Variants in ODAD2 observed in about 807,000 individuals in gnomAD.
The protein encoded by ODAD2 is outer dynein arm-docking complex subunit 2.
A neutral mutation model predicts 106.8 loss-of-function variants in ODAD2; 89 were observed. The ratio of observed to expected loss-of-function variants is 0.83; its 90% CI spans 0.70 to 0.99. ODAD2 has a LOEUF of 0.99. ODAD2 is among the 50% of genes least tolerant of loss of function. The pLI, the probability that ODAD2 is intolerant of heterozygous loss-of-function variation, is 0.00. For missense variants in ODAD2, 1,168 were observed against 1,238.5 expected (o/e 0.94, Z 0.85); for synonymous variants, 404 against 436.2 (o/e 0.93, Z 0.92).
intron 12 of ODAD2, among the ~76,000 whole-genome samples, chr10:27,942,104 T>C (rs1168236065): frequency 6.6e-6 from 1 of 152,108 alleles, no homozygotes; most frequent in Non-Finnish European, 1.5e-5. Flanking sequence ...CAACAATAAA[T>C]GATGCAGTAT....
At chr10:27,846,853 A>C (rs1838805577) in intron 19 of ODAD2, among the ~76,000 whole-genome samples, 1 of 151,608 alleles carries the variant, frequency 6.6e-6, no homozygotes, top group South Asian at 2.1e-4. Flanking sequence ...GGACACATAC[A>C]CCCTCCCAAG....
intron 19 of ODAD2, among the ~76,000 whole-genome samples, chr10:27,856,681 G>A (rs1403930419): frequency 2.0e-5 from 3 of 152,152 alleles, no homozygotes; most frequent in Non-Finnish European, 4.4e-5. Flanking sequence ...GGTGCAAACC[G>A]AGACATACTA....
At chr10:27,859,827 GCA>G (rs1435549510) in intron 19 of ODAD2, among the ~76,000 whole-genome samples, 2 of 152,130 alleles carry the variant, frequency 1.3e-5, no homozygotes, top group Non-Finnish European at 2.9e-5. Flanking sequence ...GTCTACTGAT[GCA>G]CAGATTTAAA....
chr10:27,843,423 T>C (rs998365802), intron 19 of ODAD2, among the ~76,000 whole-genome samples: 2 of 152,330 alleles, frequency 1.3e-5, no homozygotes, highest in Admixed American at 6.5e-5. Flanking sequence ...AACTGGCTGA[T>C]GCAGAGTGGC....
chr10:27,956,353 A>G (rs1847733712), intron 10 of ODAD2, among the ~76,000 whole-genome samples: 1 of 152,068 alleles, frequency 6.6e-6, no homozygotes, highest in Non-Finnish European at 1.5e-5. Context: ...CTGGCATCCC[A>G]CAGGGAGGAG....
chr10:27,983,524 T>C (rs1849686406), intron 6 of ODAD2, among the ~76,000 whole-genome samples: 1 of 152,248 alleles, frequency 6.6e-6, no homozygotes, highest in Non-Finnish European at 1.5e-5. Flanking sequence ...ATCTCAATGT[T>C]TCTTTTTTGA....
chr10:27,909,817 GAAAAAAAAAAAAAAA>G (rs35449629), intron 16 of ODAD2, among the ~76,000 whole-genome samples: 2,772 of 56,522 alleles, frequency 0.049, 122 homozygotes, highest in African/African-American at 0.16. Flanking sequence ...GTCTTCATTT[GAAAAAAAAAAAAAAA>G]AAAAAAAAAA....
rs71388944 is a variant in ODAD2 at position 27,952,074 on chromosome 10, C to CAAAAA, written c.1387-7117_1387-7113dup. The stretch of plus-strand genomic sequence containing the variant: ...TGGGCAACAGACTGAGATGCCAACT[C>CAAAAA]AAAAAAAAAAAAAAAAAAGACACAC... On this transcript the variant is annotated intron_variant, in intron 10 of 19. Coordinates refer to ENST00000305242, the MANE Select transcript of ODAD2 (RefSeq NM_018076.5). Among the ~76,000 whole-genome samples, 126 of 44,016 alleles carry CAAAAA rather than the reference C, an allele frequency of 2.9e-3. 5 individuals carry two copies. Among genetic ancestry groups the CAAAAA allele is most frequent in the African/African-American group, 7.0e-3 (88 of 12,606 alleles). 28.9% of individuals were successfully genotyped at this position (44,016 alleles called of 152,430 possible). A position where few individuals can be genotyped will look rare whatever the true frequency, so the allele number is the denominator to read the frequency against.
At chr10:27,934,896 T>C in intron 16 of ODAD2, 114 bp downstream of exon 16, 2 of 1,290,972 alleles carry the variant, frequency 1.5e-6, no homozygotes, top group Non-Finnish European at 2.2e-6. Context: ...TATGACACAC[T>C]GTATTTTTTC....
chr10:27,937,345 T>TC (rs958008819), intron 14 of ODAD2, among the ~76,000 whole-genome samples: 28 of 150,128 alleles, frequency 1.9e-4, no homozygotes, highest in African/African-American at 6.6e-4. Context: ...TTTTCTTTTT[T>TC]TTTTTTTTTT....
chr10:27,932,091 C>T (rs956636997), intron 16 of ODAD2, among the ~76,000 whole-genome samples: 6 of 152,124 alleles, frequency 3.9e-5, no homozygotes, highest in Admixed American at 6.6e-5. Flanking sequence ...CACACCCTCA[C>T]ATCCTTTAAT....
intron 17 of ODAD2, among the ~76,000 whole-genome samples, chr10:27,871,881 A>G (rs1263168078): frequency 6.6e-6 from 1 of 152,102 alleles, no homozygotes; most frequent in East Asian, 1.9e-4. Context: ...AGTTTTTTCC[A>G]GTTCTGTGAA....
At chr10:27,940,234 GTGTGATATATATATAAATGTCAGTATA>G (rs1340099042) in intron 13 of ODAD2, among the ~76,000 whole-genome samples, 11 of 137,178 alleles carry the variant, frequency 8.0e-5, no homozygotes, top group Non-Finnish European at 1.5e-4. Flanking sequence ...CAGCATATAT[GTGTGATATATATATAAATGTCAGTATA>G]TGTGATATAT....
At chr10:27,974,586 T>C (rs1212110553) in intron 7 of ODAD2, among the ~76,000 whole-genome samples, 1 of 152,122 alleles carries the variant, frequency 6.6e-6, no homozygotes, top group Non-Finnish European at 1.5e-5. Flanking sequence ...CATTGGTCTA[T>C]GTGTCTTCTT....
intron 9 of ODAD2, among the ~76,000 whole-genome samples, chr10:27,964,513 A>T (rs759020460): frequency 6.6e-6 from 1 of 152,224 alleles, no homozygotes; most frequent in African/African-American, 2.4e-5. Flanking sequence ...GCTGGCTGCC[A>T]GGTATCAAGT....
At chr10:27,867,450 T>A (rs148855743) in intron 17 of ODAD2, among the ~76,000 whole-genome samples, 1 of 152,062 alleles carries the variant, frequency 6.6e-6, no homozygotes, top group Non-Finnish European at 1.5e-5. Context: ...CTACACGGAA[T>A]AGCATCATCC....
chr10:27,869,984 T>C (rs1589869217), intron 17 of ODAD2, among the ~76,000 whole-genome samples: 1 of 152,062 alleles, frequency 6.6e-6, no homozygotes, highest in East Asian at 1.9e-4. Flanking sequence ...CAAAATGACC[T>C]TCAAAGTAAA....
At chr10:27,913,576 C>T (rs1844157028) in intron 16 of ODAD2, among the ~76,000 whole-genome samples, 4 of 152,090 alleles carry the variant, frequency 2.6e-5, no homozygotes, top group Admixed American at 2.6e-4. Context: ...AAAATATATG[C>T]AAACTATGCA....
chr10:27,868,643 G>A (rs1326328839), intron 17 of ODAD2, among the ~76,000 whole-genome samples: 1 of 152,084 alleles, frequency 6.6e-6, no homozygotes, highest in Non-Finnish European at 1.5e-5. Context: ...AGAACACATA[G>A]ATACAGGGAA....
Sources: gnomAD v4.1 joint callset for allele counts (sites outside exome capture counted in the v4.1 genomes callset) on GRCh38, gnomAD v4.1.1 for gene constraint, MANE v1.5 for transcripts, NCBI Gene and HGNC (gene_info 2026-07-23, HGNC 2026-07-21) for gene names.